SUPT3H: variants seen among roughly 807,000 people sequenced by gnomAD.
SUPT3H encodes transcription initiation protein SPT3 homolog.
Under a neutral mutation model 44.3 loss-of-function variants are expected in SUPT3H, and 44 were observed. The ratio of observed to expected loss-of-function variants is 0.99; its 90% confidence interval spans 0.78 to 1.28. The LOEUF (loss-of-function observed/expected upper bound fraction) is 1.28. SUPT3H is among the 50% of genes most tolerant of loss of function. The probability of loss-of-function intolerance (pLI) is 0.00; values close to 1 mark genes in which losing one functional copy is unlikely to be tolerated. For synonymous variants in SUPT3H, 124 were observed against 125.6 expected, an observed-to-expected ratio of 0.99 and a Z score of 0.09; for missense variants, 380 against 387.1, an observed-to-expected ratio of 0.98 and a Z score of 0.15.
At chr6:45,325,035 C>A (rs1449885596) in intron 2 of SUPT3H, among the ~76,000 whole-genome samples, 1 of 150,370 alleles carries the variant, frequency 6.7e-6, no homozygotes, top group Non-Finnish European at 1.5e-5. Context: ...ACATCAAATC[C>A]AAAAAAAAGA....
At chr6:45,175,528 A>G (rs996658776) in intron 2 of SUPT3H, among the ~76,000 whole-genome samples, 5 of 152,214 alleles carry the variant, frequency 3.3e-5, no homozygotes, top group African/African-American at 1.2e-4. Flanking sequence ...AAGATGAGAC[A>G]TGGGTGTGGA....
At chr6:45,068,271 C>T (rs1415990542) in intron 3 of SUPT3H, among the ~76,000 whole-genome samples, 191 of 137,942 alleles carry the variant, frequency 1.4e-3, no homozygotes, top group African/African-American at 5.1e-3. Flanking sequence ...AATGAGATCA[C>T]ATGGACACAG....
At chr6:45,296,763 A>AG (rs1554330948) in intron 2 of SUPT3H, among the ~76,000 whole-genome samples, 1 of 125,034 alleles carries the variant, frequency 8.0e-6, no homozygotes. Flanking sequence ...AAAAAAAAAA[A>AG]ATTACAAATA....
chr6:45,138,026 C>T (rs1376307768), intron 2 of SUPT3H, among the ~76,000 whole-genome samples: 5 of 151,956 alleles, frequency 3.3e-5, no homozygotes, highest in South Asian at 2.1e-4. Context: ...AAGAAGATAA[C>T]CCAATTTTTA....
intron 10 of SUPT3H, among the ~76,000 whole-genome samples, chr6:44,928,892 AAAAAAAAAAAAAG>A (rs1312468185): frequency 2.2e-5 from 3 of 133,998 alleles, no homozygotes; most frequent in African/African-American, 8.4e-5. Flanking sequence ...CAAAAAAAAA[AAAAAAAAAAAAAG>A]AAAAGAAAAG....
intron 2 of SUPT3H, among the ~76,000 whole-genome samples, chr6:45,139,904 AG>A (rs983886368): frequency 7.2e-5 from 11 of 152,246 alleles, no homozygotes; most frequent in Admixed American, 5.9e-4. Flanking sequence ...AGCAGAATTC[AG>A]GGGGCAAACG....
At chr6:45,197,361 T>C (rs1816228049) in intron 2 of SUPT3H, among the ~76,000 whole-genome samples, 1 of 151,452 alleles carries the variant, frequency 6.6e-6, no homozygotes, top group African/African-American at 2.4e-5. Context: ...ACTTAAATGA[T>C]TTGAAAGAAA....
At chr6:44,825,611 T>C (rs185656696), downstream of SUPT3H, among the ~76,000 whole-genome samples, 2 of 152,362 alleles carry the variant, frequency 1.3e-5, no homozygotes, top group East Asian at 3.9e-4. Context: ...GCTGTGAGTA[T>C]TAAATGAGAT....
intron 2 of SUPT3H, among the ~76,000 whole-genome samples, chr6:45,288,631 A>G (rs1399559235): frequency 2.7e-5 from 3 of 112,274 alleles, no homozygotes; most frequent in Admixed American, 1.1e-4. Context: ...ATATATATAT[A>G]TATAGCAAAG....
chr6:44,886,375 G>A (rs564527287), intron 10 of SUPT3H, among the ~76,000 whole-genome samples: 17 of 152,086 alleles, frequency 1.1e-4, no homozygotes, highest in Admixed American at 1.0e-3. Context: ...GAGAAAGGTC[G>A]GGTTACCCAC....
chr6:45,139,400 A>G (rs1804813089), intron 2 of SUPT3H, among the ~76,000 whole-genome samples: 1 of 151,018 alleles, frequency 6.6e-6, no homozygotes, highest in South Asian at 2.1e-4. Flanking sequence ...AGGGCTAACA[A>G]GCAGCTCCCA....
At chr6:44,886,588 G>A (rs1762328286) in intron 10 of SUPT3H, among the ~76,000 whole-genome samples, 1 of 152,038 alleles carries the variant, frequency 6.6e-6, no homozygotes, top group Admixed American at 6.6e-5. Flanking sequence ...GTCACCACCA[G>A]GCCTGCCCTA....
intron 3 of SUPT3H, among the ~76,000 whole-genome samples, chr6:45,085,757 T>C (rs1414171336): frequency 1.3e-5 from 2 of 152,236 alleles, no homozygotes; most frequent in Non-Finnish European, 2.9e-5. Flanking sequence ...TTTGGCACTT[T>C]ATCTCTTGAA....
At chr6:45,251,007 G>A (rs575857021) in intron 2 of SUPT3H, 6 of 151,622 alleles carry the variant, frequency 4.0e-5, no homozygotes, top group African/African-American at 1.2e-4. Flanking sequence ...CAGGGTTCTC[G>A]CTAAGTTGCT....
chr6:44,989,071 C>T (rs2153495674), intron 6 of SUPT3H, among the ~76,000 whole-genome samples: 1 of 152,204 alleles, frequency 6.6e-6, no homozygotes, highest in Non-Finnish European at 1.5e-5. Context: ...CCAAGTCCCA[C>T]ACAAGTGGAT....
At chr6:45,365,810 C>T (rs555419619) in intron 1 of SUPT3H, among the ~76,000 whole-genome samples, 1 of 151,618 alleles carries the variant, frequency 6.6e-6, no homozygotes, top group African/African-American at 2.4e-5. Context: ...TAGAAAACTA[C>T]AGCATAATCT....
In SUPT3H at chr6:45,221,062, T is replaced by C. The variant is rs138366880; in HGVS notation, c.102-115056A>G. Among the ~76,000 whole-genome samples the C allele has an allele frequency of 6.3e-3, 957 of 152,296 alleles. 15 individuals are homozygous for C. Among genetic ancestry groups the C allele is most frequent in the African/African-American group, 0.02 (837 of 41,550 alleles). On this transcript the variant is annotated intron_variant, in intron 2 of 10. Transcript: ENST00000371459. ...GCAGCCATAAAAAATGATGAGTTCA[T>C]GTCCTTTGTAGGGACATGGATAAAG...
intron 2 of SUPT3H, among the ~76,000 whole-genome samples, chr6:45,196,934 T>C (rs1189618206): frequency 6.6e-6 from 1 of 151,636 alleles, no homozygotes; most frequent in Admixed American, 6.6e-5. Context: ...AGCCACAACA[T>C]GGATTTACCA....
At position 45,355,771 on chromosome 6, in the gene SUPT3H, T is replaced by C. The variant is rs78103989; in HGVS notation, c.101+9430A>G. On this transcript the variant is annotated intron_variant, in intron 2 of 10. Coordinates refer to ENST00000371459, the MANE Select transcript of SUPT3H (RefSeq NM_003599.4). ...AAATTGGAAGAGGCAGAATAAAAAA[T>C]ACTATCAGTGCTTGACTTAGAAATG... Among the ~76,000 whole-genome samples the C allele has an allele frequency of 1.1e-3, 169 of 152,274 alleles. 1 individual carries two copies. Among genetic ancestry groups the C allele is most frequent in the African/African-American group, 4.0e-3 (165 of 41,556 alleles).
Sources: allele counts gnomAD v4.1 joint callset (sites outside exome capture counted in the v4.1 genomes callset), GRCh38; gene constraint gnomAD v4.1.1; transcripts MANE v1.5; gene names NCBI Gene and HGNC (gene_info 2026-07-23, HGNC 2026-07-21).